The following CCDC7 variants were observed in gnomAD, a reference collection of about 807,000 sequenced individuals.
CCDC7 encodes coiled-coil domain-containing protein 7.
In CCDC7, 183 loss-of-function variants were observed where a neutral mutation model predicts 196.9. The ratio of observed to expected loss-of-function variants is 0.93; its 90% confidence interval spans 0.82 to 1.05. CCDC7 has a LOEUF of 1.05. Among genes scored for constraint, CCDC7 ranks in the 50% least tolerant of loss-of-function variants. The pLI is 0.00. For synonymous variants in CCDC7, 525 were observed against 484.6 expected (o/e 1.08, Z -1.10); for missense variants, 1,540 against 1,482.2 (o/e 1.04, Z -0.64).
At position 32,720,344 on chromosome 10, in the gene CCDC7, TTC is replaced by T. The variant is rs552073066; in HGVS notation, c.2570-6383_2570-6382del. On this transcript the variant is annotated intron_variant, in intron 25 of 41. Transcript: ENST00000639629. Reference sequence around the variant, plus strand: ...CAGCCAACTAACCAAACACCGCATGTTCTCTCTCATAAGTGGGAGTTGAACAA... The same window carrying T: ...CAGCCAACTAACCAAACACCGCATGTTCTCTCATAAGTGGGAGTTGAACAA... Among the ~76,000 whole-genome samples, 281 of 152,084 alleles carry T rather than the reference TTC, an allele frequency of 1.8e-3. 3 individuals carry two copies. The highest frequency in any genetic ancestry group is 6.5e-3 in the African/African-American group (268 of 41,480).
At chr10:32,703,084 T>C (rs1330422629) in intron 24 of CCDC7, among the ~76,000 whole-genome samples, 2 of 152,228 alleles carry the variant, frequency 1.3e-5, no homozygotes, top group African/African-American at 4.8e-5. Flanking sequence ...ATTTGCTCGT[T>C]AGTTGATGCA....
intron 18 of CCDC7, among the ~76,000 whole-genome samples, chr10:32,589,324 A>G (rs1293336376): frequency 6.6e-6 from 1 of 152,184 alleles, no homozygotes; most frequent in East Asian, 1.9e-4. Flanking sequence ...GCACATAAAC[A>G]GGATCTCATT....
chr10:32,446,224 CACAA>C (rs1384166276), exon 1 of CCDC7: 1 of 152,220 alleles, frequency 6.6e-6, no homozygotes, highest in African/African-American at 2.4e-5. Flanking sequence ...TTTCTTTCAG[CACAA>C]ACGTCAGTTT....
At chr10:32,527,476 C>A (rs1314249469) in intron 11 of CCDC7, among the ~76,000 whole-genome samples, 1 of 152,120 alleles carries the variant, frequency 6.6e-6, no homozygotes, top group Non-Finnish European at 1.5e-5. Context: ...ACAGTGTAGA[C>A]TTCTATTTTG....
At chr10:32,448,030 A>G (rs1039724025), upstream of CCDC7, among the ~76,000 whole-genome samples, 5 of 152,222 alleles carry the variant, frequency 3.3e-5, no homozygotes, top group African/African-American at 1.2e-4. Flanking sequence ...ATGGATTTTT[A>G]GTGACAAGTT....
chr10:32,755,746 G>A (rs367887679), intron 28 of CCDC7, among the ~76,000 whole-genome samples: 1 of 152,090 alleles, frequency 6.6e-6, no homozygotes, highest in South Asian at 2.1e-4. Context: ...AAAGCTGGAC[G>A]GAGAATGACT....
chr10:32,597,760 C>T (rs953589582), intron 18 of CCDC7, among the ~76,000 whole-genome samples: 9 of 152,212 alleles, frequency 5.9e-5, no homozygotes, highest in African/African-American at 1.9e-4. Flanking sequence ...CGTCAGCTGC[C>T]GGTCTCTTGG....
intron 18 of CCDC7, among the ~76,000 whole-genome samples, chr10:32,619,428 A>G (rs78728917): frequency 0.053 from 8,066 of 152,186 alleles, 713 homozygotes; most frequent in African/African-American, 0.18. Flanking sequence ...AGCATTGAAA[A>G]TATAATAATG....
In CCDC7 at chr10:32,674,650, A is replaced by T. The variant is rs536151067; in HGVS notation, c.2122+10489A>T. ...TGTTGTTTATTGATTTTCTGTTTGGATGATCTATCCATTTTTGAAAGTGGA... is the reference window on the plus strand; with the variant it reads ...TGTTGTTTATTGATTTTCTGTTTGGTTGATCTATCCATTTTTGAAAGTGGA... On this transcript the variant is annotated intron_variant, in intron 21 of 41. Coordinates refer to ENST00000639629, the Ensembl canonical transcript of CCDC7. Among the ~76,000 whole-genome samples the T allele has an allele frequency of 1.4e-4, 21 of 152,100 alleles. No homozygotes were observed. In the South Asian group the frequency reaches 1.4e-3, roughly 10 times the overall value.
chr10:32,490,701 G>T (rs1459703282), intron 8 of CCDC7, among the ~76,000 whole-genome samples: 3 of 152,052 alleles, frequency 2.0e-5, no homozygotes, highest in Admixed American at 6.5e-5. Flanking sequence ...GGAGGCTGAG[G>T]CAGGAGAATG....
At chr10:32,506,625 G>C (rs897948118) in intron 9 of CCDC7, among the ~76,000 whole-genome samples, 2 of 152,222 alleles carry the variant, frequency 1.3e-5, no homozygotes, top group Admixed American at 1.3e-4. Flanking sequence ...GCCGAGGGGG[G>C]CAGATCACTC....
At chr10:32,544,404 G>C (rs771018286) in intron 13 of CCDC7, 103 bp downstream of exon 14, 7 of 1,174,916 alleles carry the variant, frequency 6.0e-6, no homozygotes, top group African/African-American at 1.6e-5. Flanking sequence ...GGGTATATAT[G>C]TCTGTGTGTG....
At chr10:32,495,439 G>C (rs1177516007) in intron 9 of CCDC7, among the ~76,000 whole-genome samples, 2 of 152,042 alleles carry the variant, frequency 1.3e-5, no homozygotes, top group Non-Finnish European at 2.9e-5. Flanking sequence ...CATTGTTTTT[G>C]GTGTTTTAGT....
chr10:32,718,736 A>G (rs2081983079), intron 25 of CCDC7, among the ~76,000 whole-genome samples: 1 of 152,046 alleles, frequency 6.6e-6, no homozygotes, highest in Non-Finnish European at 1.5e-5. Context: ...ATAATAGACA[A>G]ACAGAGAGCC....
At chr10:32,682,895 A>AT (rs2076027571) in intron 21 of CCDC7, among the ~76,000 whole-genome samples, 1 of 152,018 alleles carries the variant, frequency 6.6e-6, no homozygotes, top group African/African-American at 2.4e-5. Flanking sequence ...TGGATATTAC[A>AT]CCTTTGTTAG....
chr10:32,732,659 T>C (rs1176214355), intron 28 of CCDC7, among the ~76,000 whole-genome samples: 1 of 152,158 alleles, frequency 6.6e-6, no homozygotes, highest in African/African-American at 2.4e-5. Context: ...GTCTTTATGA[T>C]GGACATTTTT....
At chr10:32,856,741 C>T (rs1219105038) in intron 41 of CCDC7, among the ~76,000 whole-genome samples, 3 of 152,076 alleles carry the variant, frequency 2.0e-5, no homozygotes, top group Non-Finnish European at 4.4e-5. Context: ...TTGTACCCTG[C>T]TCATTGGGGC....
At chr10:32,616,162 AT>A (rs1259287050) in intron 18 of CCDC7, among the ~76,000 whole-genome samples, 2 of 152,000 alleles carry the variant, frequency 1.3e-5, no homozygotes, top group African/African-American at 4.8e-5. Flanking sequence ...TTGATTCCAT[AT>A]GAATTTTAGG....
intron 16 of CCDC7, among the ~76,000 whole-genome samples, chr10:32,575,929 A>C (rs976225238): frequency 2.6e-5 from 4 of 152,154 alleles, no homozygotes; most frequent in African/African-American, 9.7e-5. Context: ...AGGATGTAGA[A>C]CCAACATCCT....
Sources: gnomAD v4.1 joint callset for allele counts (sites outside exome capture counted in the v4.1 genomes callset) on GRCh38, gnomAD v4.1.1 for gene constraint, MANE v1.5 for transcripts, NCBI Gene and HGNC (gene_info 2026-07-23, HGNC 2026-07-21) for gene names.